Variants in PCDHGA9 observed in about 807,000 individuals in gnomAD.
PCDHGA9 encodes protocadherin gamma-A9.
In PCDHGA9, 37 loss-of-function variants were observed where a neutral mutation model predicts 62.5. The observed-to-expected ratio is 0.59, with a 90% CI of 0.46 to 0.78. PCDHGA9 has a LOEUF of 0.78. Among genes scored for constraint, PCDHGA9 ranks in the 30% least tolerant of loss-of-function variants. The probability of loss-of-function intolerance (pLI) is 0.00; values close to 1 mark genes in which losing one functional copy is unlikely to be tolerated. For synonymous variants in PCDHGA9, 459 were observed against 484.6 expected (o/e 0.95, Z 0.69); for missense variants, 1,138 against 1,166.2 (o/e 0.98, Z 0.35).
At position 141,403,162 on chromosome 5, in the gene PCDHGA9, T is replaced by C. The variant is rs745617954; in HGVS notation, c.210T>C (p.Gly70=). 15 of 1,613,862 alleles carry C rather than the reference T, an allele frequency of 9.3e-6. No homozygotes were observed. Among genetic ancestry groups the C allele is most frequent in the African/African-American group, 2.7e-5 (2 of 74,930 alleles). The change falls in exon 1 of 4, where the codon GGT becomes GGC. Residue 70 remains glycine (G), a synonymous_variant. Transcript: ENST00000573521. ...AERRVRIVSR[G]RTQLFSLNPR... ...GCCGAGTCCGCATCGTCTCTAGAGG[T>C]AGGACGCAGCTTTTCTCTCTGAACC... is the stretch of plus-strand genomic sequence containing the variant.
At chr5:141,502,887 G>T (rs2099816882) in intron 2 of PCDHGA9, among the ~76,000 whole-genome samples, 1 of 40,910 alleles carries the variant, frequency 2.4e-5, no homozygotes, top group Non-Finnish European at 4.5e-5. Context: ...TTTTGACAGG[G>T]AGTCTAGCTC....
rs1228831823 is a variant in PCDHGA9, at chr5:141,487,778, T to C, written c.2425-7029T>C. ...GGTAGACGCTGTGCTTTGTAACTGT[T>C]TCGTGAATTAACCAGAGTTGTCACA... On this transcript the variant is annotated intron_variant, in intron 1 of 3. Coordinates refer to ENST00000573521, the MANE Select transcript of PCDHGA9 (RefSeq NM_018921.3). The surrounding 1 kb of genome is among the most constrained non-coding windows in gnomAD (Gnocchi z 5.0). The C allele has an allele frequency of 6.5e-7, 1 of 1,531,514 alleles. No individual in the cohort carries two copies. The highest frequency in any genetic ancestry group is 2.0e-5 in the Admixed American group (1 of 49,632). 94.9% of individuals were successfully genotyped at this position (1,531,514 alleles called of 1,614,324 possible).
At position 141,487,653 on chromosome 5, in the gene PCDHGA9, A is replaced by C. The variant is rs1033173132; in HGVS notation, c.2425-7154A>C. The C allele has an allele frequency of 3.1e-6, 5 of 1,613,794 alleles. No individual in the cohort carries two copies. Among genetic ancestry groups the C allele is most frequent in the Non-Finnish European group, 4.2e-6 (5 of 1,179,926 alleles). ...CAGGCTCAACAAATGCTTGAGGGTT[A>C]TTCTGATCCAGGCATATGGCTAGGC... On this transcript the variant is annotated intron_variant, in intron 1 of 3. Transcript: ENST00000573521. This position sits in a 1 kb window ranked among gnomAD's most constrained non-coding sequence, Gnocchi z 5.0.
At chr5:141,510,169 A>G (rs927072830) in intron 3 of PCDHGA9, among the ~76,000 whole-genome samples, 7 of 151,230 alleles carry the variant, frequency 4.6e-5, no homozygotes, top group Non-Finnish European at 1.0e-4. Context: ...GCTACTCAGG[A>G]GGTTGAGGCA....
Position 141,405,273 on chromosome 5 carries a change from A to G in PCDHGA9, c.2321A>G (p.Asn774Ser), listed in dbSNP as rs762280864. 3.1e-6 allele frequency: 5 copies of G among 1,613,974 alleles called. No homozygotes were observed. The highest frequency in any genetic ancestry group is 2.7e-5 in the African/African-American group (2 of 74,894). ...RKSHLIFPQP[N>S]YADTLISQQS... The stretch of plus-strand genomic sequence containing the variant: ...AGTCACCTGATCTTCCCCCAGCCCA[A>G]CTATGCAGACACACTCATCAGCCAG... The change falls in exon 1 of 4, where the codon AAC (asparagine) becomes AGC (serine). Residue 774 changes from asparagine (N) to serine (S), a missense_variant. Physicochemically the swap from Asn to Ser is conservative, Grantham distance 46. Transcript: ENST00000573521.
intron 1 of PCDHGA9, among the ~76,000 whole-genome samples, chr5:141,443,667 C>G (rs62379164): frequency 0.042 from 6,382 of 152,210 alleles, 168 homozygotes; most frequent in Middle Eastern, 0.088. Flanking sequence ...TTTTACTGAA[C>G]TAGTAGTTTA....
rs1033888717 is a variant in PCDHGA9 at position 141,512,540 on chromosome 5, T to C, written c.*1367T>C. 6.5e-6 allele frequency: 1 copy of C among 152,886 alleles called. No homozygotes were observed. Among genetic ancestry groups the C allele is most frequent in the African/African-American group, 2.4e-5 (1 of 41,476 alleles). 9.5% of individuals were successfully genotyped at this position (152,886 alleles called of 1,614,324 possible). ...CCATAGCCTGGTTAAAGTTCCCCAGTGCCTCCTTGTGCATAGACCTTCTTC... is the reference window on the plus strand; with the variant it reads ...CCATAGCCTGGTTAAAGTTCCCCAGCGCCTCCTTGTGCATAGACCTTCTTC... On this transcript the variant is annotated 3_prime_UTR_variant, in exon 4 of 4. Transcript: ENST00000573521.
At chr5:141,458,081 G>A (rs765008628) in intron 1 of PCDHGA9, among the ~76,000 whole-genome samples, 62 of 152,186 alleles carry the variant, frequency 4.1e-4, no homozygotes, top group East Asian at 1.9e-4. Flanking sequence ...CTATATTGCC[G>A]TAAGTTAAGA....
Position 141,432,108 on chromosome 5 carries a change from C to T in PCDHGA9, c.2424+26732C>T, listed in dbSNP as rs1432933024. The T allele has an allele frequency of 1.9e-6, 3 of 1,614,180 alleles. No homozygotes were observed. The highest frequency in any genetic ancestry group is 1.7e-5 in the Admixed American group (1 of 60,020). Reference sequence around the variant, plus strand: ...GTGGCAGACACCAACGACAACCCGCCGGTCTTCCCTCAGGCCTCCTATTCC... The same window carrying T: ...GTGGCAGACACCAACGACAACCCGCTGGTCTTCCCTCAGGCCTCCTATTCC... On this transcript the variant is annotated intron_variant, in intron 1 of 3. Coordinates refer to ENST00000573521, the MANE Select transcript of PCDHGA9 (RefSeq NM_018921.3). The surrounding 1 kb of genome is among the most constrained non-coding windows in gnomAD (Gnocchi z 6.0).
intron 1 of PCDHGA9, chr5:141,419,231 C>G (rs1309708358): frequency 2.5e-6 from 4 of 1,614,026 alleles, no homozygotes; most frequent in Admixed American, 1.7e-5. Context: ...GTCAGCCTAC[C>G]TGGTCCACGT....
Position 141,485,096 on chromosome 5 carries a change from CCAG to C in PCDHGA9, c.2425-9709_2425-9707del. The C allele has an allele frequency of 8.9e-7, 1 of 1,125,684 alleles. No homozygotes were observed. The highest frequency in any genetic ancestry group is 1.3e-6 in the Non-Finnish European group (1 of 759,466). 69.7% of individuals were successfully genotyped at this position (1,125,684 alleles called of 1,614,324 possible). A position where few individuals can be genotyped will look rare whatever the true frequency, so the allele number is the denominator to read the frequency against. ...CGCGGGGAAAGGGAGATAGGTGTCTCCAGCTGCTGTGGCTGTTTGGGGCGGGTC... is the reference window on the plus strand; with the variant it reads ...CGCGGGGAAAGGGAGATAGGTGTCTCCTGCTGTGGCTGTTTGGGGCGGGTC... On this transcript the variant is annotated intron_variant, in intron 1 of 3. Transcript: ENST00000573521. The surrounding 1 kb of genome is among the most constrained non-coding windows in gnomAD (Gnocchi z 5.7).
chr5:141,476,798 C>T lies in PCDHGA9; in HGVS notation c.2425-18009C>T. 3.1e-6 allele frequency: 5 copies of T among 1,613,660 alleles called. No homozygotes were observed. The highest frequency in any genetic ancestry group is 4.2e-6 in the Non-Finnish European group (5 of 1,180,028). ...AGGGACCCCAGCTCTCTCCGCCAGC[C>T]TGCCTATTCACATCAAGGTGCTGGA... On this transcript the variant is annotated intron_variant, in intron 1 of 3. Coordinates refer to ENST00000573521, the MANE Select transcript of PCDHGA9 (RefSeq NM_018921.3). This position sits in a 1 kb window ranked among gnomAD's most constrained non-coding sequence, Gnocchi z 7.6.
chr5:141,487,340 G>A lies in PCDHGA9; in HGVS notation c.2425-7467G>A, dbSNP rs2099643329. 6.2e-7 allele frequency: 1 copy of A among 1,614,182 alleles called. No individual in the cohort carries two copies. Among genetic ancestry groups the A allele is most frequent in the Admixed American group, 1.7e-5 (1 of 60,024 alleles). The stretch of plus-strand genomic sequence containing the variant: ...GTGTCTTCGTGGGGCAGCCTGTGGA[G>A]TCACATGCTTTCCTGCTGGCACCTG... On this transcript the variant is annotated intron_variant, in intron 1 of 3. Coordinates refer to ENST00000573521, the MANE Select transcript of PCDHGA9 (RefSeq NM_018921.3). This position sits in a 1 kb window ranked among gnomAD's most constrained non-coding sequence, Gnocchi z 5.0.
chr5:141,409,715 G>C (rs2095305446), intron 1 of PCDHGA9: 9 of 1,613,084 alleles, frequency 5.6e-6, no homozygotes, highest in Admixed American at 1.7e-5. Flanking sequence ...GTCGTCATAC[G>C]TGTCAGTGAG....
chr5:141,497,374 T>C (rs2099776044), intron 2 of PCDHGA9, among the ~76,000 whole-genome samples: 1 of 152,112 alleles, frequency 6.6e-6, no homozygotes, highest in Non-Finnish European at 1.5e-5. Flanking sequence ...ATGTGTCCTC[T>C]GGGGTGAGCA....
chr5:141,508,077 G>T (rs1166570509), intron 3 of PCDHGA9: 1 of 152,446 alleles, frequency 6.6e-6, no homozygotes, highest in Non-Finnish European at 1.5e-5. Context: ...GGCTACTCTG[G>T]AGTTGCTGCC....
At position 141,432,172 on chromosome 5, in the gene PCDHGA9, C is replaced by A. The variant is rs562175068; in HGVS notation, c.2424+26796C>A. ...AGAACAATCCCAGAGGAGTTTCCCT[C>A]GTCTCTGTGACCGCCCACGACCCCG... On this transcript the variant is annotated intron_variant, in intron 1 of 3. Coordinates refer to ENST00000573521, the MANE Select transcript of PCDHGA9 (RefSeq NM_018921.3). This position sits in a 1 kb window ranked among gnomAD's most constrained non-coding sequence, Gnocchi z 6.0. 5 of 1,614,152 alleles carry A rather than the reference C, an allele frequency of 3.1e-6. No homozygotes were observed. The South Asian group carries it at 4.4e-5, about 14-fold the overall frequency.
At chr5:141,452,760 G>C (rs920853226) in intron 1 of PCDHGA9, among the ~76,000 whole-genome samples, 1 of 152,120 alleles carries the variant, frequency 6.6e-6, no homozygotes, top group African/African-American at 2.4e-5. Context: ...AAGGAAGGGA[G>C]GGAGGGAAAA....
chr5:141,421,811 T>A, intron 1 of PCDHGA9: 1 of 1,613,766 alleles, frequency 6.2e-7, no homozygotes, highest in Non-Finnish European at 8.5e-7. Flanking sequence ...AATCCAGAGC[T>A]AGTACTGGAG....
Sources: allele counts gnomAD v4.1 joint callset (sites outside exome capture counted in the v4.1 genomes callset), GRCh38; gene constraint gnomAD v4.1.1; non-coding constraint Gnocchi (gnomAD v3.1); transcripts MANE v1.5; gene names NCBI Gene and HGNC (gene_info 2026-07-23, HGNC 2026-07-21).